FSD1: variants seen among roughly 807,000 people sequenced by gnomAD.
FSD1 encodes the protein fibronectin type III and SPRY domain containing 1.
Under a neutral mutation model 58.2 loss-of-function variants are expected in FSD1, and 23 were observed. The observed-to-expected ratio is 0.40, with a 90% confidence interval of 0.28 to 0.56. The LOEUF is 0.56. Among genes scored for constraint, FSD1 ranks in the 20% least tolerant of loss-of-function variants. The pLI is 0.54. For synonymous variants in FSD1, 265 were observed against 263.4 expected, an observed-to-expected ratio of 1.01 and a Z score of -0.06; for missense variants, 563 against 670.8, an observed-to-expected ratio of 0.84 and a Z score of 1.78.
At chr19:4,309,567 G>C (rs1016601389) in intron 4 of FSD1, among the ~76,000 whole-genome samples, 1 of 152,164 alleles carries the variant, frequency 6.6e-6, no homozygotes, top group Admixed American at 6.6e-5. Context: ...TACCTTCCTC[G>C]AGAGGCCTCA....
chr19:4,306,054 G>A lies in FSD1; in HGVS notation c.111+13G>A, dbSNP rs1971617429. ...GCTGAACGTGGAGGTGAAGGCGGTG[G>A]GGCAGTCCTGGGGAGGTAAGGGGAG... is the stretch of plus-strand genomic sequence containing the variant. On this transcript the variant is annotated intron_variant, in intron 2 of 12. Coordinates refer to ENST00000221856, the MANE Select transcript of FSD1 (RefSeq NM_024333.3). 6.2e-7 allele frequency: 1 copy of A among 1,611,846 alleles called. No individual in the cohort carries two copies. The highest frequency in any genetic ancestry group is 1.7e-5 in the Admixed American group (1 of 60,008).
At chr19:4,316,371 C>T (rs571434064) in intron 7 of FSD1, among the ~76,000 whole-genome samples, 14 of 149,696 alleles carry the variant, frequency 9.4e-5, no homozygotes, top group Non-Finnish European at 1.9e-4. Context: ...ACAGGCGCCA[C>T]CCCCCGCCCC....
intron 2 of FSD1, 28 bp downstream of exon 2, chr19:4,306,069 G>T: frequency 6.2e-7 from 1 of 1,607,136 alleles, no homozygotes; most frequent in South Asian, 1.1e-5. Context: ...GTCCTGGGGA[G>T]GTAAGGGGAG....
intron 10 of FSD1, among the ~76,000 whole-genome samples, chr19:4,321,816 C>A (rs1456051263): frequency 6.6e-6 from 1 of 150,480 alleles, no homozygotes; most frequent in East Asian, 2.0e-4. Flanking sequence ...AACTTGGATC[C>A]CGAGGAGTAT....
chr19:4,313,611 G>A (rs548349384), intron 7 of FSD1, among the ~76,000 whole-genome samples: 57 of 151,958 alleles, frequency 3.8e-4, no homozygotes, highest in Admixed American at 4.6e-4. Context: ...CCAGCTACTC[G>A]GGAGGCTGAG....
At chr19:4,306,071 T>C in intron 2 of FSD1, 30 bp downstream of exon 2, 1 of 1,605,606 alleles carries the variant, frequency 6.2e-7, no homozygotes, top group Non-Finnish European at 8.5e-7. Context: ...CCTGGGGAGG[T>C]AAGGGGAGGG....
Position 4,323,624 on chromosome 19 carries a change from C to A in FSD1, c.1472C>A (p.Ser491Tyr), listed in dbSNP as rs1178260404. ...AAGCGAGGCAGTGCTACCAGCAGCT[C>A]CAACACCAGCCTCACCTAGGCCCCC... ...LQKRGSATSS[S>Y]NTSLT The change falls in exon 13 of 13, where the codon TCC becomes TAC. Residue 491 changes from serine (S) to tyrosine (Y), a missense_variant. Physicochemically the swap from Ser to Tyr is moderately radical, Grantham distance 144 (BLOSUM62 -2). Coordinates refer to ENST00000221856, the MANE Select transcript of FSD1 (RefSeq NM_024333.3). The surrounding 1 kb of genome is among the most constrained non-coding windows in gnomAD (Gnocchi z 7.7). 6.2e-7 allele frequency: 1 copy of A among 1,612,434 alleles called. No homozygotes were observed. The highest frequency in any genetic ancestry group is 1.1e-5 in the South Asian group (1 of 90,958).
At chr19:4,321,720 C>A (rs1400437232) in intron 10 of FSD1, among the ~76,000 whole-genome samples, 1 of 145,920 alleles carries the variant, frequency 6.9e-6, no homozygotes, top group Non-Finnish European at 1.5e-5. Flanking sequence ...TAACTGGAGT[C>A]CAAGGAGTAT....
intron 9 of FSD1, 67 bp from the exon 10 acceptor site, chr19:4,318,805 C>A: frequency 7.7e-7 from 1 of 1,300,992 alleles, no homozygotes; most frequent in Non-Finnish European, 1.1e-6. Context: ...ACTAGGGTAG[C>A]CTTACCGTGG....
At chr19:4,310,354 G>A (rs1971674542) in intron 5 of FSD1, 59 bp downstream of exon 5, 4 of 1,611,234 alleles carry the variant, frequency 2.5e-6, no homozygotes, top group Non-Finnish European at 3.4e-6. Flanking sequence ...GAAGACAGGG[G>A]CCACCTGGTG....
intron 7 of FSD1, among the ~76,000 whole-genome samples, chr19:4,314,472 T>G (rs932031139): frequency 6.6e-6 from 1 of 151,008 alleles, no homozygotes; most frequent in Non-Finnish European, 1.5e-5. Context: ...ACGGGTGCAG[T>G]GGACTCACAT....
Position 4,311,986 on chromosome 19 carries a change from G to A in FSD1, c.635G>A (p.Arg212His), listed in dbSNP as rs746900909. 22 of 1,613,142 alleles carry A rather than the reference G, an allele frequency of 1.4e-5. No individual in the cohort carries two copies. The highest frequency in any genetic ancestry group is 8.9e-5 in the East Asian group (4 of 44,894). Residue 212 changes from arginine (R) to histidine (H), a missense_variant, in exon 7 of 13, where the codon CGC becomes CAC. Arg to His is a conservative substitution (Grantham distance 29, BLOSUM62 0). Coordinates refer to ENST00000221856, the MANE Select transcript of FSD1 (RefSeq NM_024333.3). ...CGGACCAACTTCGAGGGCCCGCCCC[G>A]CCTCAAGGAGGACCAGCCCTGGATG... is the stretch of plus-strand genomic sequence containing the variant. ...YRRTNFEGPP[R>H]LKEDQPWMVI...
chr19:4,323,499 T>TGCGGGG lies in FSD1; in HGVS notation c.1381-33_1381-32insCGGGGG. 1 of 1,577,820 alleles carries TGCGGGG rather than the reference T, an allele frequency of 6.3e-7. No individual in the cohort carries two copies. The highest frequency in any genetic ancestry group is 8.7e-7 in the Non-Finnish European group (1 of 1,148,724). ...GGTGCTGGGCGCTGGGGTTTGAAGCTGAGCCCCTCCCCCCTCCCCCCGCTG... is the reference window on the plus strand; with the variant it reads ...GGTGCTGGGCGCTGGGGTTTGAAGCTGCGGGGGAGCCCCTCCCCCCTCCCCCCGCTG... On this transcript the variant is annotated intron_variant, in intron 12 of 12. Coordinates refer to ENST00000221856, the MANE Select transcript of FSD1 (RefSeq NM_024333.3). The surrounding 1 kb of genome is among the most constrained non-coding windows in gnomAD (Gnocchi z 7.7).
chr19:4,305,626 G>A (rs984081561), intron 1 of FSD1, among the ~76,000 whole-genome samples: 3 of 152,154 alleles, frequency 2.0e-5, no homozygotes, highest in Non-Finnish European at 4.4e-5. Context: ...AGCTTAGGGC[G>A]CCCAGCTGCT....
In FSD1 at chr19:4,310,488, C is replaced by T. The variant is rs771659397; in HGVS notation, c.382C>T (p.Pro128Ser). 1.4e-5 allele frequency: 22 copies of T among 1,612,620 alleles called. No homozygotes were observed. Among genetic ancestry groups the T allele is most frequent in the Non-Finnish European group, 1.9e-5 (22 of 1,179,006 alleles). ...TCCTTCCTGCAGAGTGACCATGGCC[C>T]CTGCCTTCCGGCTATCATTGAAAGC... ...KQIKDGVTMA[P>S]AFRLSLKAKV... Residue 128 changes from proline to serine, a missense_variant, in exon 6 of 13, where the codon CCT becomes TCT. Pro to Ser is a moderately conservative substitution (Grantham distance 74, BLOSUM62 -1). Coordinates refer to ENST00000221856, the MANE Select transcript of FSD1 (RefSeq NM_024333.3).
Position 4,310,504 on chromosome 19 carries a change from C to A in FSD1, c.398C>A (p.Ser133Ter). The A allele has an allele frequency of 6.2e-7, 1 of 1,613,482 alleles. No homozygotes were observed. Among genetic ancestry groups the A allele is most frequent in the South Asian group, 1.1e-5 (1 of 91,056 alleles). ...GVTMAPAFRL[S>*]LKAKVSDNMS... The stretch of plus-strand genomic sequence containing the variant: ...ACCATGGCCCCTGCCTTCCGGCTAT[C>A]ATTGAAAGCGAAGGTCAGTGACAAC... Residue 133 changes from serine (S) to a stop codon, truncating the protein, a stop_gained, in exon 6 of 13, where the codon TCA becomes TAA. Transcript: ENST00000221856. LOFTEE classifies it high-confidence loss of function.
At chr19:4,312,096 C>T (rs922721276) in intron 7 of FSD1, 45 bp downstream of exon 7, 12 of 1,480,022 alleles carry the variant, frequency 8.1e-6, no homozygotes, top group African/African-American at 1.4e-5. Context: ...GAACAGCCAC[C>T]TCTTCCAGCC....
chr19:4,315,023 T>C (rs2144764008), intron 7 of FSD1, among the ~76,000 whole-genome samples: 1 of 152,352 alleles, frequency 6.6e-6, no homozygotes, highest in South Asian at 2.1e-4. Context: ...AGGATACCGA[T>C]GAAAGCAGCT....
chr19:4,309,076 AAAAATAAAAT>A (rs929887610), intron 4 of FSD1, among the ~76,000 whole-genome samples: 1 of 152,028 alleles, frequency 6.6e-6, no homozygotes, highest in African/African-American at 2.4e-5. Flanking sequence ...CTCTGTTTCA[AAAAATAAAAT>A]AAAATAAAAT....
Sources: allele counts gnomAD v4.1 joint callset (sites outside exome capture counted in the v4.1 genomes callset), GRCh38; gene constraint gnomAD v4.1.1; non-coding constraint Gnocchi (gnomAD v3.1); transcripts MANE v1.5; gene names NCBI Gene and HGNC (gene_info 2026-07-23, HGNC 2026-07-21).